The following CCDC91 variants were observed in gnomAD, a reference collection of about 807,000 sequenced individuals.
The protein encoded by CCDC91 is coiled-coil domain-containing protein 91.
Under a neutral mutation model 63.2 loss-of-function variants are expected in CCDC91, and 48 were observed. The ratio of observed to expected loss-of-function variants is 0.76; its 90% CI spans 0.60 to 0.97. CCDC91 has a LOEUF of 0.97. Ranked by LOEUF, CCDC91 falls within the 50% of genes least tolerant of loss-of-function variation. CCDC91 has a pLI of 0.00. For synonymous variants in CCDC91, 167 were observed against 165.8 expected (o/e 1.01, Z -0.06); for missense variants, 500 against 494.6 (o/e 1.01, Z -0.10).
intron 12 of CCDC91, among the ~76,000 whole-genome samples, chr12:28,545,093 A>G (rs1032362722): frequency 1.3e-5 from 2 of 152,032 alleles, no homozygotes; most frequent in Admixed American, 1.3e-4. Flanking sequence ...GGAAGAGAAA[A>G]CAAATCGGTT....
chr12:28,484,172 A>T lies in CCDC91; in HGVS notation c.1215+7A>T, dbSNP rs1313272580. On this transcript the variant is annotated splice_region_variant and intron_variant, in intron 12 of 12. Coordinates refer to ENST00000536442, the MANE Select transcript of CCDC91 (RefSeq NM_018318.5). ...TATAAAAGAACAGAAAAGGGTAAGT[A>T]TCTCCTGAAGAGTTTTAATTTGTGC... 1.3e-6 allele frequency: 2 copies of T among 1,528,568 alleles called. No individual in the cohort carries two copies. The highest frequency in any genetic ancestry group is 1.8e-6 in the Non-Finnish European group (2 of 1,112,130). The allele number at this position is 1,528,568 out of a possible 1,614,324, so 94.7% of individuals were successfully genotyped here. A position where few individuals can be genotyped will look rare whatever the true frequency, so the allele number is the denominator to read the frequency against.
intron 6 of CCDC91, among the ~76,000 whole-genome samples, chr12:28,331,886 A>G (rs1941546105): frequency 6.6e-6 from 1 of 152,158 alleles, no homozygotes; most frequent in East Asian, 1.9e-4. Context: ...ACTCTTAAGA[A>G]TCAAACACTG....
intron 8 of CCDC91, among the ~76,000 whole-genome samples, chr12:28,424,089 A>G (rs752488529): frequency 2.6e-5 from 4 of 152,046 alleles, no homozygotes; most frequent in Non-Finnish European, 5.9e-5. Flanking sequence ...CACCAAGGCT[A>G]GCTAAATTTT....
intron 1 of CCDC91, among the ~76,000 whole-genome samples, chr12:28,202,755 T>G (rs973891338): frequency 1.3e-4 from 20 of 152,256 alleles, no homozygotes; most frequent in African/African-American, 3.6e-4. Flanking sequence ...TTGCATGAGC[T>G]TGGCCATCTG....
intron 8 of CCDC91, among the ~76,000 whole-genome samples, chr12:28,415,386 G>A (rs1463346399): frequency 6.6e-6 from 1 of 152,044 alleles, no homozygotes; most frequent in South Asian, 2.1e-4. Flanking sequence ...ACCGTGCCCG[G>A]CTAATTTTTT....
chr12:28,209,221 C>T (rs564829516), intron 1 of CCDC91, among the ~76,000 whole-genome samples: 1 of 152,288 alleles, frequency 6.6e-6, no homozygotes, highest in African/African-American at 2.4e-5. Flanking sequence ...ATAAACAAAT[C>T]AATTCAATCT....
chr12:28,519,864 C>A (rs1312574132), intron 12 of CCDC91, among the ~76,000 whole-genome samples: 1 of 151,888 alleles, frequency 6.6e-6, no homozygotes, highest in Non-Finnish European at 1.5e-5. Context: ...ATGATGGATA[C>A]CAGCTTCATC....
intron 11 of CCDC91, among the ~76,000 whole-genome samples, chr12:28,483,370 T>C (rs1308281312): frequency 2.6e-5 from 4 of 152,142 alleles, no homozygotes; most frequent in Non-Finnish European, 5.9e-5. Context: ...TGATACACTA[T>C]TGTAGCAGAA....
At chr12:28,419,754 A>ATT (rs34455320) in intron 8 of CCDC91, among the ~76,000 whole-genome samples, 4 of 146,226 alleles carry the variant, frequency 2.7e-5, no homozygotes, top group African/African-American at 7.5e-5. Context: ...TTAAATTATC[A>ATT]TTTTTTTTTT....
intron 6 of CCDC91, among the ~76,000 whole-genome samples, chr12:28,359,094 C>T (rs1943709824): frequency 6.6e-6 from 1 of 152,154 alleles, no homozygotes; most frequent in Non-Finnish European, 1.5e-5. Context: ...CAGGGTTTCA[C>T]TATGTTGGCT....
chr12:28,392,354 T>C (rs1945999823), intron 8 of CCDC91, among the ~76,000 whole-genome samples: 1 of 152,198 alleles, frequency 6.6e-6, no homozygotes, highest in Non-Finnish European at 1.5e-5. Flanking sequence ...TATATTTTAC[T>C]CATGCTACAT....
chr12:28,506,927 T>C (rs1938799038), intron 12 of CCDC91, among the ~76,000 whole-genome samples: 3 of 151,576 alleles, frequency 2.0e-5, no homozygotes, highest in Admixed American at 2.0e-4. Context: ...AATCTACCAG[T>C]AGTCACATAA....
intron 6 of CCDC91, among the ~76,000 whole-genome samples, chr12:28,356,081 G>A (rs1343534335): frequency 1.3e-5 from 2 of 152,038 alleles, no homozygotes; most frequent in Admixed American, 1.3e-4. Context: ...TGAGACTGGG[G>A]ATGATTTTGA....
chr12:28,465,844 T>G (rs892582656), intron 11 of CCDC91, among the ~76,000 whole-genome samples: 18 of 152,116 alleles, frequency 1.2e-4, no homozygotes, highest in Non-Finnish European at 2.4e-4. Context: ...CAGAGACCAA[T>G]TCTGGAGATA....
intron 6 of CCDC91, among the ~76,000 whole-genome samples, chr12:28,351,666 G>A (rs922476776): frequency 2.6e-5 from 4 of 151,106 alleles, no homozygotes; most frequent in Non-Finnish European, 2.9e-5. Context: ...CTAACCTCAG[G>A]TCATTCCTCC....
chr12:28,431,977 A>G (rs1474534855), intron 8 of CCDC91, among the ~76,000 whole-genome samples: 1 of 152,066 alleles, frequency 6.6e-6, no homozygotes, highest in Non-Finnish European at 1.5e-5. Flanking sequence ...ATTTGGAACC[A>G]TACAATATGC....
intron 11 of CCDC91, among the ~76,000 whole-genome samples, chr12:28,458,500 C>CA (rs1950162332): frequency 1.0e-5 from 1 of 97,494 alleles, no homozygotes; most frequent in Non-Finnish European, 1.8e-5. Flanking sequence ...GATGGAGTCT[C>CA]ACTCTGTCGC....
intron 6 of CCDC91, among the ~76,000 whole-genome samples, chr12:28,359,502 A>C (rs1943737182): frequency 6.6e-6 from 1 of 152,210 alleles, no homozygotes; most frequent in Non-Finnish European, 1.5e-5. Flanking sequence ...GAAAGAAAAT[A>C]ATATTTAATC....
chr12:28,382,328 C>T (rs1231798082), intron 7 of CCDC91, among the ~76,000 whole-genome samples: 2 of 151,428 alleles, frequency 1.3e-5, no homozygotes, highest in African/African-American at 4.8e-5. Context: ...TTTTAATCAT[C>T]ATAAACCTAG....
Sources: gnomAD v4.1 joint callset for allele counts (sites outside exome capture counted in the v4.1 genomes callset) on GRCh38, gnomAD v4.1.1 for gene constraint, MANE v1.5 for transcripts, NCBI Gene and HGNC (gene_info 2026-07-23, HGNC 2026-07-21) for gene names.